Variants in NDC1 observed in about 807,000 individuals in gnomAD.
NDC1 encodes NDC1 transmembrane nucleoporin.
In NDC1, 24 loss-of-function variants were observed where a neutral mutation model predicts 89.8. That is an observed-to-expected ratio of 0.27 (90% CI 0.19 to 0.38). The LOEUF (loss-of-function observed/expected upper bound fraction) is 0.38. Ranked by LOEUF, NDC1 falls within the 10% of genes least tolerant of loss-of-function variation. The probability of loss-of-function intolerance (pLI) is 1.00; values close to 1 mark genes in which losing one functional copy is unlikely to be tolerated. For missense variants in NDC1, 728 were observed against 797.6 expected, an observed-to-expected ratio of 0.91 and a Z score of 1.05; for synonymous variants, 296 against 284.8, an observed-to-expected ratio of 1.04 and a Z score of -0.39.
chr1:53,818,052 AGAGTAAT>A (rs1330531294), intron 6 of NDC1, among the ~76,000 whole-genome samples: 26 of 152,334 alleles, frequency 1.7e-4, no homozygotes, highest in African/African-American at 6.3e-4. Flanking sequence ...ATTTCTAGAT[AGAGTAAT>A]GACCAAATGA....
At chr1:53,828,783 T>C (rs1366734985) in intron 3 of NDC1, among the ~76,000 whole-genome samples, 1 of 151,978 alleles carries the variant, frequency 6.6e-6, no homozygotes. Flanking sequence ...GGCTAGTTTT[T>C]GTATTTTTAG....
At position 53,828,036 on chromosome 1, in the gene NDC1, A is replaced by G. The variant is rs777291505; in HGVS notation, c.418T>C (p.Tyr140His). 3 of 1,613,572 alleles carry G rather than the reference A, an allele frequency of 1.9e-6. No homozygotes were observed. In the South Asian group the frequency reaches 3.3e-5, roughly 18 times the overall value. The change falls in exon 4 of 18, where the codon TAC becomes CAC. Residue 140 changes from tyrosine (Y) to histidine (H), a missense_variant. Physicochemically the swap from Tyr to His is moderately conservative, Grantham distance 83. Transcript: ENST00000371429. Reference sequence around the variant, plus strand: ...GTGCAGGGAACCACAAGAAAGCTGTACTGGCCCTGGGTTATCACTGCAGCA... The same window carrying G: ...GTGCAGGGAACCACAAGAAAGCTGTGCTGGCCCTGGGTTATCACTGCAGCA... ...WCAAVITQGQ[Y>H]SFLVVPCTGT...
intron 13 of NDC1, among the ~76,000 whole-genome samples, chr1:53,793,634 T>C (rs899200578): frequency 7.9e-5 from 12 of 152,136 alleles, no homozygotes; most frequent in African/African-American, 2.9e-4. Context: ...CTTTGTCACC[T>C]AGGCTGGAGT....
chr1:53,837,992 C>T (rs1207381481), intron 1 of NDC1, among the ~76,000 whole-genome samples: 4 of 152,260 alleles, frequency 2.6e-5, no homozygotes, highest in Admixed American at 6.5e-5. Context: ...GACCAGCTTC[C>T]TTCCACTCAG....
chr1:53,794,484 G>C (rs1647628296), intron 13 of NDC1, among the ~76,000 whole-genome samples: 1 of 152,160 alleles, frequency 6.6e-6, no homozygotes, highest in Non-Finnish European at 1.5e-5. Context: ...AGCCGTATGG[G>C]ATCCCGAAGT....
intron 7 of NDC1, among the ~76,000 whole-genome samples, chr1:53,808,522 C>A (rs1224183864): frequency 6.6e-6 from 1 of 152,124 alleles, no homozygotes; most frequent in Non-Finnish European, 1.5e-5. Context: ...ATTAGGAGTG[C>A]CCAGCACAGT....
intron 6 of NDC1, 149 bp from the exon 7 acceptor site, chr1:53,809,895 C>T (rs1048505958): frequency 7.9e-6 from 5 of 634,402 alleles, no homozygotes; most frequent in African/African-American, 1.8e-5. Context: ...TAGGAAAAGA[C>T]AGTACTTATT....
intron 13 of NDC1, among the ~76,000 whole-genome samples, chr1:53,794,618 C>T (rs1647634414): frequency 6.6e-6 from 1 of 152,156 alleles, no homozygotes; most frequent in African/African-American, 2.4e-5. Flanking sequence ...GCCTGTAATT[C>T]CAACACTTTA....
chr1:53,803,300 C>G (rs748212307), intron 10 of NDC1, among the ~76,000 whole-genome samples: 5 of 152,128 alleles, frequency 3.3e-5, no homozygotes, highest in African/African-American at 2.4e-5. Context: ...TTCCTAAGCT[C>G]AAGTAATCCA....
chr1:53,826,035 G>A (rs1648850221), intron 4 of NDC1, 99 bp from the exon 5 acceptor site: 5 of 1,221,580 alleles, frequency 4.1e-6, no homozygotes, highest in Non-Finnish European at 5.7e-6. Context: ...TTACTTTAAT[G>A]ACTTAAGAAA....
rs565513140 is a variant in NDC1, at chr1:53,807,787, C to A, written c.760G>T (p.Val254Phe). The change falls in exon 8 of 18, where the codon GTT becomes TTT. Residue 254 changes from valine to phenylalanine, a missense_variant. Coordinates refer to ENST00000371429, the MANE Select transcript of NDC1 (RefSeq NM_018087.5). ...TAMNLHIDEQ[V>F]HRPLDTVSGL... The stretch of plus-strand genomic sequence containing the variant: ...CTCACTGTGTCAAGTGGCCTATGAA[C>A]CTGCCTGTGAATGCAGAAATTACTA... 1.6e-5 allele frequency: 25 copies of A among 1,596,190 alleles called. No individual in the cohort carries two copies. In the African/African-American group the frequency reaches 2.0e-4, roughly 13 times the overall value.
At chr1:53,792,073 G>A (rs1647528487) in intron 14 of NDC1, among the ~76,000 whole-genome samples, 1 of 151,870 alleles carries the variant, frequency 6.6e-6, no homozygotes, top group South Asian at 2.1e-4. Flanking sequence ...CTCCCGAGTA[G>A]CTGGGACCAC....
intron 3 of NDC1, among the ~76,000 whole-genome samples, chr1:53,830,064 T>A (rs980925750): frequency 6.6e-6 from 1 of 151,428 alleles, no homozygotes; most frequent in Non-Finnish European, 1.5e-5. Flanking sequence ...GGCAGGAGAA[T>A]CACTTGAACC....
intron 11 of NDC1, among the ~76,000 whole-genome samples, chr1:53,800,377 C>T (rs534056357): frequency 3.7e-5 from 5 of 133,654 alleles, no homozygotes; most frequent in African/African-American, 5.8e-5. Context: ...CACTCTGTCG[C>T]CAGGCTGGAG....
At chr1:53,798,068 A>T (rs1647779481) in intron 11 of NDC1, among the ~76,000 whole-genome samples, 1 of 151,360 alleles carries the variant, frequency 6.6e-6, no homozygotes, top group Non-Finnish European at 1.5e-5. Context: ...ACAAAAACAA[A>T]AGGAACTTTT....
chr1:53,770,717 C>A (rs544541014), intron 17 of NDC1, among the ~76,000 whole-genome samples: 5 of 152,018 alleles, frequency 3.3e-5, no homozygotes, highest in Non-Finnish European at 7.4e-5. Context: ...TACAGAGGCA[C>A]GATCTCGGCT....
At chr1:53,794,110 G>A (rs537767874) in intron 13 of NDC1, among the ~76,000 whole-genome samples, 1 of 151,876 alleles carries the variant, frequency 6.6e-6, no homozygotes, top group Non-Finnish European at 1.5e-5. Flanking sequence ...CAAGTAGCTA[G>A]GACTACAGGA....
intron 16 of NDC1, among the ~76,000 whole-genome samples, chr1:53,774,199 C>T (rs191544015): frequency 7.2e-5 from 11 of 152,238 alleles, no homozygotes; most frequent in East Asian, 5.8e-4. Context: ...CAGTCTGCCA[C>T]GGTAACTTTA....
intron 4 of NDC1, 128 bp from the exon 5 acceptor site, chr1:53,826,064 G>T: frequency 1.1e-6 from 1 of 897,388 alleles, no homozygotes; most frequent in Non-Finnish European, 1.7e-6. Flanking sequence ...ATTCTAACAA[G>T]ATGGCTCGTT....
Sources: allele counts gnomAD v4.1 joint callset (sites outside exome capture counted in the v4.1 genomes callset), GRCh38; gene constraint gnomAD v4.1.1; transcripts MANE v1.5; gene names NCBI Gene and HGNC (gene_info 2026-07-23, HGNC 2026-07-21).